The following XKR6 variants were observed in gnomAD, a reference collection of about 807,000 sequenced individuals.
The protein encoded by XKR6 is XK-related protein 6.
A neutral mutation model predicts 56.7 loss-of-function variants in XKR6; 22 were observed. The ratio of observed to expected loss-of-function variants is 0.39; its 90% CI spans 0.28 to 0.55. The LOEUF (loss-of-function observed/expected upper bound fraction) is 0.55, where lower values mean the gene tolerates loss of function less well. XKR6 is among the 20% of genes least tolerant of loss of function. The pLI is 0.66. For missense variants in XKR6, 852 were observed against 889.0 expected (o/e 0.96, Z 0.53); for synonymous variants, 524 against 387.8 (o/e 1.35, Z -4.13).
intron 1 of XKR6, among the ~76,000 whole-genome samples, chr8:11,166,406 C>G (rs779603532): frequency 6.6e-6 from 1 of 152,000 alleles, no homozygotes; most frequent in Non-Finnish European, 1.5e-5. Context: ...TGCATTAAAA[C>G]CAAACCCCCA....
chr8:11,097,300 C>T (rs752771274), intron 1 of XKR6, among the ~76,000 whole-genome samples: 1 of 152,170 alleles, frequency 6.6e-6, no homozygotes, highest in Non-Finnish European at 1.5e-5. Context: ...CTCACCACTT[C>T]TACATTCAGG....
chr8:10,953,386 T>TC (rs1348175259), intron 1 of XKR6, among the ~76,000 whole-genome samples: 1 of 152,062 alleles, frequency 6.6e-6, no homozygotes, highest in African/African-American at 2.4e-5. Context: ...AGATGCCTGC[T>TC]CCCCCTTGGC....
chr8:10,951,689 G>C (rs1009432159), intron 1 of XKR6, among the ~76,000 whole-genome samples: 3 of 152,186 alleles, frequency 2.0e-5, no homozygotes, highest in Admixed American at 1.3e-4. Flanking sequence ...GTGGGGATCT[G>C]GGAGGCGCTG....
At chr8:11,159,068 C>G (rs936259139) in intron 1 of XKR6, among the ~76,000 whole-genome samples, 1 of 152,190 alleles carries the variant, frequency 6.6e-6, no homozygotes, top group Non-Finnish European at 1.5e-5. Flanking sequence ...TACTTACCTT[C>G]TTTAAGCCAC....
At chr8:11,024,379 G>A (rs1374902479) in intron 1 of XKR6, among the ~76,000 whole-genome samples, 2 of 152,074 alleles carry the variant, frequency 1.3e-5, no homozygotes, top group Non-Finnish European at 2.9e-5. Flanking sequence ...CTCCACATCT[G>A]TCTCCTTATT....
rs569380927 is a variant in XKR6 at position 11,201,659 on chromosome 8, C to T, written c.-320G>A. Among the ~76,000 whole-genome samples, 1 of 152,348 alleles carries T rather than the reference C, an allele frequency of 6.6e-6. No individual in the cohort carries two copies. Among genetic ancestry groups the T allele is most frequent in the East Asian group, 1.9e-4 (1 of 5,170 alleles). Reference sequence around the variant, plus strand: ...GTTCTCCCCGCCAGGGCTCCCCTTCCCCTCTTCCGTTGACCCCGAAACCCA... The same window carrying T: ...GTTCTCCCCGCCAGGGCTCCCCTTCTCCTCTTCCGTTGACCCCGAAACCCA... On this transcript the variant is annotated 5_prime_UTR_variant, in exon 1 of 3. Transcript: ENST00000416569.
At chr8:10,918,430 CAT>C (rs139476461) in intron 2 of XKR6, among the ~76,000 whole-genome samples, 3,792 of 152,338 alleles carry the variant, frequency 0.025, 164 homozygotes, top group African/African-American at 0.084. Flanking sequence ...GGCATGCACA[CAT>C]GTGTGTACTG....
At chr8:10,901,601 A>C (rs1800037727) in intron 2 of XKR6, among the ~76,000 whole-genome samples, 1 of 152,300 alleles carries the variant, frequency 6.6e-6, no homozygotes, top group South Asian at 2.1e-4. Flanking sequence ...AATCATGAAC[A>C]TCTGGTAGGT....
intron 1 of XKR6, among the ~76,000 whole-genome samples, chr8:11,078,049 T>G (rs2129169043): frequency 6.6e-6 from 1 of 152,196 alleles, no homozygotes; most frequent in Non-Finnish European, 1.5e-5. Context: ...CCCAAACCAC[T>G]TCCGACAGTG....
intron 1 of XKR6, among the ~76,000 whole-genome samples, chr8:11,022,565 A>T (rs1176160209): frequency 6.6e-6 from 1 of 152,174 alleles, no homozygotes; most frequent in African/African-American, 2.4e-5. Context: ...GTCAGCAGCC[A>T]ATGGGTGAAG....
chr8:11,188,090 G>A (rs985116196), intron 1 of XKR6, among the ~76,000 whole-genome samples: 1 of 152,018 alleles, frequency 6.6e-6, no homozygotes, highest in Non-Finnish European at 1.5e-5. Flanking sequence ...GGTTTTTCAG[G>A]AATGTGTGTA....
intron 1 of XKR6, among the ~76,000 whole-genome samples, chr8:11,000,555 C>T (rs1051373404): frequency 6.6e-6 from 1 of 152,150 alleles, no homozygotes; most frequent in African/African-American, 2.4e-5. Flanking sequence ...CACAGTGGCA[C>T]ACGCCTGTAG....
chr8:10,962,184 T>G (rs1320081355), intron 1 of XKR6, among the ~76,000 whole-genome samples: 1 of 152,184 alleles, frequency 6.6e-6, no homozygotes, highest in Non-Finnish European at 1.5e-5. Context: ...TTTAAAGAAG[T>G]AAGAAAATGC....
intron 1 of XKR6, among the ~76,000 whole-genome samples, chr8:11,181,643 A>G (rs1026516067): frequency 6.6e-5 from 10 of 152,206 alleles, no homozygotes; most frequent in Admixed American, 6.5e-5. Flanking sequence ...ATAAAGGAAG[A>G]AAATTTGGTG....
At chr8:10,928,932 G>A (rs559975544) in intron 1 of XKR6, among the ~76,000 whole-genome samples, 1 of 152,334 alleles carries the variant, frequency 6.6e-6, no homozygotes, top group Non-Finnish European at 1.5e-5. Context: ...AAGAGCCTCG[G>A]ATCATGAAAT....
intron 1 of XKR6, among the ~76,000 whole-genome samples, chr8:11,068,454 C>T (rs1800036128): frequency 6.6e-6 from 1 of 152,188 alleles, no homozygotes; most frequent in Non-Finnish European, 1.5e-5. Flanking sequence ...ATTCTTGAGC[C>T]ATTTCCCATT....
At chr8:11,086,148 A>ATATATATATATATATT (rs71203369) in intron 1 of XKR6, among the ~76,000 whole-genome samples, 1 of 120,722 alleles carries the variant, frequency 8.3e-6, no homozygotes, top group African/African-American at 3.9e-5. Flanking sequence ...ATATATATAT[A>ATATATATATATATATT]TTTTTTTTTA....
intron 1 of XKR6, among the ~76,000 whole-genome samples, chr8:10,945,560 G>A (rs989963636): frequency 5.3e-5 from 8 of 152,182 alleles, no homozygotes; most frequent in African/African-American, 9.7e-5. Context: ...GTTTCCCTTT[G>A]TTTCCCCATC....
chr8:11,102,643 G>A (rs944465296), intron 1 of XKR6, among the ~76,000 whole-genome samples: 16 of 152,166 alleles, frequency 1.1e-4, no homozygotes, highest in African/African-American at 3.1e-4. Context: ...AGGCACCAGT[G>A]TAAGTGTGCT....
Sources: allele counts gnomAD v4.1 joint callset (sites outside exome capture counted in the v4.1 genomes callset), GRCh38; gene constraint gnomAD v4.1.1; transcripts MANE v1.5; gene names NCBI Gene and HGNC (gene_info 2026-07-23, HGNC 2026-07-21).